The following ARRB1 variants were observed in gnomAD, a reference collection of about 807,000 sequenced individuals.
ARRB1 encodes the protein beta-arrestin-1.
Under a neutral mutation model 56.8 loss-of-function variants are expected in ARRB1, and 21 were observed. The observed-to-expected ratio is 0.37, with a 90% CI of 0.26 to 0.53. ARRB1 has a LOEUF of 0.53. Among genes scored for constraint, ARRB1 ranks in the 20% least tolerant of loss-of-function variants. ARRB1 has a pLI of 0.88. For synonymous variants in ARRB1, 210 were observed against 218.6 expected, an observed-to-expected ratio of 0.96 and a Z score of 0.35; for missense variants, 424 against 553.7, an observed-to-expected ratio of 0.77 and a Z score of 2.35.
chr11:75,321,783 T>C (rs1054766207), intron 1 of ARRB1, among the ~76,000 whole-genome samples: 1 of 152,210 alleles, frequency 6.6e-6, no homozygotes, highest in Non-Finnish European at 1.5e-5. Flanking sequence ...TTCTTATGAA[T>C]ATTCAACAGA....
intron 1 of ARRB1, among the ~76,000 whole-genome samples, chr11:75,336,375 C>A (rs1290536817): frequency 6.6e-6 from 1 of 152,086 alleles, no homozygotes; most frequent in Non-Finnish European, 1.5e-5. Context: ...ATGGCCCCAC[C>A]CCTACCTCCC....
intron 1 of ARRB1, among the ~76,000 whole-genome samples, chr11:75,319,715 T>C (rs1162683596): frequency 1.3e-5 from 2 of 152,096 alleles, no homozygotes; most frequent in Non-Finnish European, 2.9e-5. Flanking sequence ...CAGGCCAGGA[T>C]GTACGCTGGT....
chr11:75,269,027 C>T (rs1236744322), intron 13 of ARRB1, 68 bp from the exon 14 acceptor site: 7 of 1,526,882 alleles, frequency 4.6e-6, no homozygotes, highest in Middle Eastern at 1.7e-4. Flanking sequence ...GATGTCGATG[C>T]CCTGTCAGTC....
intron 14 of ARRB1, 66 bp downstream of exon 14, chr11:75,268,823 G>C (rs1946003399): frequency 6.5e-7 from 1 of 1,548,270 alleles, no homozygotes; most frequent in South Asian, 1.2e-5. Context: ...GGGGCGGGGT[G>C]GGTTACAGGG....
At chr11:75,338,325 G>C (rs950863906) in intron 1 of ARRB1, among the ~76,000 whole-genome samples, 2 of 152,192 alleles carry the variant, frequency 1.3e-5, no homozygotes, top group Non-Finnish European at 2.9e-5. Context: ...TAATGATCCA[G>C]GCCAGGAGTG....
At chr11:75,270,994 T>C (rs1946064483) in intron 13 of ARRB1, 1 of 151,952 alleles carries the variant, frequency 6.6e-6, no homozygotes, top group South Asian at 2.1e-4. Flanking sequence ...AACATTTTAG[T>C]GGAAGAATCT....
intron 12 of ARRB1, among the ~76,000 whole-genome samples, chr11:75,272,401 C>T: frequency 6.6e-6 from 1 of 152,236 alleles, no homozygotes; most frequent in East Asian, 1.9e-4. Flanking sequence ...GTTTGGGGCA[C>T]TGTCTGGGCC....
chr11:75,316,661 A>G (rs978067011), intron 1 of ARRB1, among the ~76,000 whole-genome samples: 4 of 152,204 alleles, frequency 2.6e-5, no homozygotes, highest in Admixed American at 6.5e-5. Context: ...TCACCCCTGT[A>G]ATCCCAGCAA....
At chr11:75,282,674 G>T (rs1322316544) in intron 5 of ARRB1, among the ~76,000 whole-genome samples, 3 of 152,220 alleles carry the variant, frequency 2.0e-5, no homozygotes, top group African/African-American at 7.2e-5. Flanking sequence ...TCATACATCT[G>T]TGTTGTTTTA....
chr11:75,334,701 T>A (rs958304499), intron 1 of ARRB1, among the ~76,000 whole-genome samples: 1 of 152,232 alleles, frequency 6.6e-6, no homozygotes, highest in Non-Finnish European at 1.5e-5. Flanking sequence ...CTAATTTACA[T>A]GGCAAGTGAA....
At position 75,349,355 on chromosome 11, in the gene ARRB1, C is replaced by T. The variant is rs1455617521; in HGVS notation, c.20+2233G>A. 2.4e-4 allele frequency among the ~76,000 whole-genome samples: 36 copies of T among 152,116 alleles called. 1 individual carries two copies. The highest frequency in any genetic ancestry group is 2.2e-3 in the Admixed American group (33 of 15,272). ...AGTTTACAGATGGGAAACTAACGTC[C>T]GGAAAAGTAAAGGCAATTGCCCAAT... On this transcript the variant is annotated intron_variant, in intron 1 of 15. Coordinates refer to ENST00000420843, the MANE Select transcript of ARRB1 (RefSeq NM_004041.5).
At chr11:75,333,440 A>G (rs987971054) in intron 1 of ARRB1, among the ~76,000 whole-genome samples, 5 of 152,204 alleles carry the variant, frequency 3.3e-5, no homozygotes, top group African/African-American at 1.2e-4. Flanking sequence ...GAATAGAATG[A>G]TTGGTGAACA....
At chr11:75,277,978 G>A (rs1262667549) in intron 8 of ARRB1, among the ~76,000 whole-genome samples, 1 of 152,232 alleles carries the variant, frequency 6.6e-6, no homozygotes, top group Non-Finnish European at 1.5e-5. Context: ...TCTAAATTCT[G>A]TCCACAGAAG....
chr11:75,298,753 T>A (rs190481445), intron 1 of ARRB1, among the ~76,000 whole-genome samples: 12 of 150,538 alleles, frequency 8.0e-5, no homozygotes, highest in Admixed American at 5.2e-4. Flanking sequence ...GCAGCATTAT[T>A]CAAAATAGCC....
At position 75,261,180 on chromosome 11, in the gene ARRB1, A is replaced by ACG. The variant is rs1264390106; in HGVS notation, c.*4981_*4982dup. 1 of 107,090 alleles carries ACG rather than the reference A, an allele frequency of 9.3e-6. No homozygotes were observed. The highest frequency in any genetic ancestry group is 1.9e-5 in the Non-Finnish European group (1 of 52,200). The allele number at this position is 107,090 out of a possible 1,614,324, so 6.6% of individuals were successfully genotyped here. A position where few individuals can be genotyped will look rare whatever the true frequency, so the allele number is the denominator to read the frequency against. On this transcript the variant is annotated 3_prime_UTR_variant, in exon 16 of 16. Coordinates refer to ENST00000420843, the MANE Select transcript of ARRB1 (RefSeq NM_004041.5). ...TGGCTAGAAAAACCATCAACTATGT[A>ACG]CGTGTGTGTGTGTGTGTGTGTGTGT... is the stretch of plus-strand genomic sequence containing the variant.
rs188840417 is a variant in ARRB1, at chr11:75,263,498, C to T, written c.*2665G>A. Among the ~76,000 whole-genome samples the T allele has an allele frequency of 4.6e-5, 7 of 151,948 alleles. No homozygotes were observed. Among genetic ancestry groups the T allele is most frequent in the South Asian group, 2.1e-4 (1 of 4,802 alleles). On this transcript the variant is annotated 3_prime_UTR_variant, in exon 16 of 16. Coordinates refer to ENST00000420843, the MANE Select transcript of ARRB1 (RefSeq NM_004041.5). ...GTCTGAATCCACCTGGAAAGGGCACCGTCTTCTAATTCACATCAAGGCACC... is the reference window on the plus strand; with the variant it reads ...GTCTGAATCCACCTGGAAAGGGCACTGTCTTCTAATTCACATCAAGGCACC...
At chr11:75,282,206 A>G (rs1946360756) in intron 5 of ARRB1, 185 bp from the exon 6 acceptor site, 1 of 586,154 alleles carries the variant, frequency 1.7e-6, no homozygotes, top group Non-Finnish European at 3.0e-6. Flanking sequence ...AGCTTTCTTT[A>G]TCTAAAGGGT....
At position 75,262,670 on chromosome 11, in the gene ARRB1, G is replaced by A. The variant is rs1945823712; in HGVS notation, c.*3493C>T. Among the ~76,000 whole-genome samples, 1 of 152,210 alleles carries A rather than the reference G, an allele frequency of 6.6e-6. No homozygotes were observed. The highest frequency in any genetic ancestry group is 1.5e-5 in the Non-Finnish European group (1 of 68,030). On this transcript the variant is annotated 3_prime_UTR_variant, in exon 16 of 16. Transcript: ENST00000420843. ...AACAATTCCTGCGTCAGGCAGGGAA[G>A]GGATTACAATCCCATTTTACAGTTA...
intron 1 of ARRB1, among the ~76,000 whole-genome samples, chr11:75,324,070 CAA>C (rs1259936871): frequency 6.6e-6 from 1 of 152,102 alleles, no homozygotes; most frequent in Non-Finnish European, 1.5e-5. Flanking sequence ...GCACAAACAC[CAA>C]AAAGTGTTAG....
Sources: gnomAD v4.1 joint callset for allele counts (sites outside exome capture counted in the v4.1 genomes callset) on GRCh38, gnomAD v4.1.1 for gene constraint, MANE v1.5 for transcripts, NCBI Gene and HGNC (gene_info 2026-07-23, HGNC 2026-07-21) for gene names.